MAGI3: variants seen among roughly 807,000 people sequenced by gnomAD.
MAGI3 encodes the protein membrane-associated guanylate kinase, WW and PDZ domain-containing protein 3.
A neutral mutation model predicts 121.8 loss-of-function variants in MAGI3; 43 were observed. The observed-to-expected ratio is 0.35, with a 90% CI of 0.28 to 0.46. The LOEUF is 0.46. MAGI3 is among the 20% of genes least tolerant of loss of function. The pLI is 1.00. For missense variants in MAGI3, 1,547 were observed against 1,797.3 expected (o/e 0.86, Z 2.52); for synonymous variants, 553 against 639.3 (o/e 0.86, Z 2.04).
At chr1:113,569,995 A>G (rs1376644031) in intron 2 of MAGI3, among the ~76,000 whole-genome samples, 2 of 152,032 alleles carry the variant, frequency 1.3e-5, no homozygotes, top group African/African-American at 4.8e-5. Flanking sequence ...TCTAGATTTT[A>G]AGCCTCACAT....
chr1:113,594,357 A>G (rs1648867119), intron 5 of MAGI3, 124 bp from the exon 6 acceptor site: 1 of 713,534 alleles, frequency 1.4e-6, no homozygotes, highest in African/African-American at 1.8e-5. Context: ...TGAGGAATAC[A>G]AATGGAGCCT....
At chr1:113,576,706 G>C (rs774240823) in intron 2 of MAGI3, 15 of 152,140 alleles carry the variant, frequency 9.9e-5, no homozygotes, top group African/African-American at 2.2e-4. Flanking sequence ...AATCTATATG[G>C]CTTCTAAATG....
At chr1:113,682,837 G>A (rs748679133) in intron 20 of MAGI3, 60 bp from the exon 21 acceptor site, 102 of 1,475,496 alleles carry the variant, frequency 6.9e-5, no homozygotes, top group African/African-American at 1.3e-4. Context: ...AGTTCAAAAC[G>A]TATTGTTCCT....
chr1:113,396,140 T>C (rs1485600446), intron 1 of MAGI3, among the ~76,000 whole-genome samples: 4 of 152,156 alleles, frequency 2.6e-5, no homozygotes, highest in Non-Finnish European at 5.9e-5. Flanking sequence ...AAGTGATAGT[T>C]TCATACAGAG....
intron 1 of MAGI3, among the ~76,000 whole-genome samples, chr1:113,475,333 C>G (rs1276177834): frequency 6.6e-6 from 1 of 152,178 alleles, no homozygotes; most frequent in Non-Finnish European, 1.5e-5. Context: ...AAAGGGAACA[C>G]TTCCAGTTTT....
chr1:113,612,416 C>T (rs1473829214), intron 6 of MAGI3, among the ~76,000 whole-genome samples: 1 of 151,932 alleles, frequency 6.6e-6, no homozygotes, highest in Non-Finnish European at 1.5e-5. Context: ...GGTTATATTT[C>T]TAATTTTTAT....
At chr1:113,620,736 G>A (rs917242087) in intron 8 of MAGI3, among the ~76,000 whole-genome samples, 1 of 152,154 alleles carries the variant, frequency 6.6e-6, no homozygotes, top group Non-Finnish European at 1.5e-5. Context: ...TATAATACAT[G>A]GAGATAGGTG....
intron 1 of MAGI3, among the ~76,000 whole-genome samples, chr1:113,528,563 A>G (rs535909896): frequency 1.3e-5 from 2 of 152,272 alleles, no homozygotes; most frequent in African/African-American, 4.8e-5. Flanking sequence ...TCTGTGTAAT[A>G]AAATACTTTT....
At chr1:113,577,770 A>G (rs1411290048) in intron 2 of MAGI3, among the ~76,000 whole-genome samples, 2 of 152,198 alleles carry the variant, frequency 1.3e-5, no homozygotes, top group East Asian at 1.9e-4. Context: ...GCAGAAAGAG[A>G]AAGCCAAAAG....
At chr1:113,451,399 T>C (rs1654476463) in intron 1 of MAGI3, among the ~76,000 whole-genome samples, 1 of 152,158 alleles carries the variant, frequency 6.6e-6, no homozygotes, top group Non-Finnish European at 1.5e-5. Context: ...TTAAAGAAAA[T>C]AATCAAAACT....
intron 16 of MAGI3, among the ~76,000 whole-genome samples, chr1:113,664,438 A>C (rs960159375): frequency 2.6e-5 from 4 of 152,298 alleles, no homozygotes; most frequent in Non-Finnish European, 5.9e-5. Flanking sequence ...TATGTTACAA[A>C]ACAGTGTGAG....
chr1:113,397,171 G>C (rs1023891628), intron 1 of MAGI3, among the ~76,000 whole-genome samples: 1 of 152,094 alleles, frequency 6.6e-6, no homozygotes, highest in South Asian at 2.1e-4. Context: ...GAAGTAATTT[G>C]CTTGCATTAA....
At position 113,542,987 on chromosome 1, in the gene MAGI3, C is replaced by A. The variant is rs546219369; in HGVS notation, c.317-6528C>A. ...AAAATGGGAATAATAATAACACCTA[C>A]TTCAAAGGTTATCATGAGGAGTGAG... On this transcript the variant is annotated intron_variant, in intron 1 of 20. Coordinates refer to ENST00000307546, the MANE Select transcript of MAGI3 (RefSeq NM_001142782.2). Among the ~76,000 whole-genome samples the A allele has an allele frequency of 2.6e-5, 4 of 152,164 alleles. No homozygotes were observed. The East Asian group carries it at 5.8e-4, about 22-fold the overall frequency.
chr1:113,435,673 G>A (rs900582827), intron 1 of MAGI3, among the ~76,000 whole-genome samples: 5 of 151,944 alleles, frequency 3.3e-5, no homozygotes, highest in African/African-American at 1.2e-4. Context: ...ATTATGAAGA[G>A]GAATTCAACA....
At chr1:113,398,543 G>T (rs1112085) in intron 1 of MAGI3, among the ~76,000 whole-genome samples, 1 of 151,962 alleles carries the variant, frequency 6.6e-6, no homozygotes, top group African/African-American at 2.4e-5. Flanking sequence ...TTTGAAACAC[G>T]TAATTATTAT....
chr1:113,639,533 C>CT (rs573204134), intron 9 of MAGI3, among the ~76,000 whole-genome samples: 237 of 152,258 alleles, frequency 1.6e-3, no homozygotes, highest in Non-Finnish European at 2.5e-3. Context: ...TCCTAAGTAC[C>CT]TGGGATTACA....
chr1:113,619,823 A>C lies in MAGI3; in HGVS notation c.1164A>C (p.Ser388=). The part of the protein sequence containing the change: ...KQLGQVEIGS[S]KPDMEKSHFT... ...TAGGACAGGTTGAAATTGGGTCTTC[A>C]AAACCAGGTAAGCATTCTTTTCAAT... The change falls in exon 8 of 21, where the codon TCA becomes TCC. Residue 388 remains serine (S), a synonymous_variant. Transcript: ENST00000307546. 6.2e-7 allele frequency: 1 copy of C among 1,605,478 alleles called. No homozygotes were observed. The highest frequency in any genetic ancestry group is 8.5e-7 in the Non-Finnish European group (1 of 1,173,156).
At chr1:113,665,368 T>G (rs1653989587) in intron 16 of MAGI3, among the ~76,000 whole-genome samples, 1 of 152,112 alleles carries the variant, frequency 6.6e-6, no homozygotes, top group Admixed American at 6.6e-5. Context: ...ATGATATGTG[T>G]GTGTGTGTAT....
chr1:113,466,931 C>T (rs957630086), intron 1 of MAGI3, among the ~76,000 whole-genome samples: 3 of 151,698 alleles, frequency 2.0e-5, no homozygotes, highest in Non-Finnish European at 4.4e-5. Flanking sequence ...TTTTAAGTTT[C>T]AATTTCATTT....
Sources: allele counts gnomAD v4.1 joint callset (sites outside exome capture counted in the v4.1 genomes callset), GRCh38; gene constraint gnomAD v4.1.1; transcripts MANE v1.5; gene names NCBI Gene and HGNC (gene_info 2026-07-23, HGNC 2026-07-21).